Variants in CLXN observed in about 807,000 individuals in gnomAD.
CLXN encodes calaxin.
chr8:48,735,281 G>T, the CLXN span: 12 of 1,042,576 alleles, frequency 1.2e-5, no homozygotes, highest in African/African-American at 1.6e-5. Context: ...TCTCGTGCGC[G>T]GCCCTAACAG....
At chr8:48,735,083 T>C in the CLXN span, 1 of 1,614,092 alleles carries the variant, frequency 6.2e-7, no homozygotes, top group Non-Finnish European at 8.5e-7. Flanking sequence ...CAGCACTACA[T>C]TCTTACTTAC....
At chr8:48,724,489 G>T in the CLXN span, 1 of 321,364 alleles carries the variant, frequency 3.1e-6, no homozygotes, top group South Asian at 1.2e-4. Context: ...TGCTTCGACA[G>T]ATAGTCTATG....
chr8:48,734,207 C>A, the CLXN span, among the ~76,000 whole-genome samples: 2 of 152,070 alleles, frequency 1.3e-5, no homozygotes, highest in African/African-American at 4.8e-5. Context: ...TTGAGCGACT[C>A]GGTTATTTGG....
chr8:48,727,288 C>T, the CLXN span, among the ~76,000 whole-genome samples: 1 of 151,978 alleles, frequency 6.6e-6, no homozygotes. Context: ...CCATGTGCTA[C>T]ACACAGGGTA....
At chr8:48,729,374 T>A in the CLXN span, among the ~76,000 whole-genome samples, 1 of 151,300 alleles carries the variant, frequency 6.6e-6, no homozygotes. Flanking sequence ...AAAAAAAAAA[T>A]TAGCTGGGCA....
At chr8:48,714,554 G>A in the CLXN span, among the ~76,000 whole-genome samples, 1 of 152,194 alleles carries the variant, frequency 6.6e-6, no homozygotes, top group Non-Finnish European at 1.5e-5. Context: ...ATGGAGGTCA[G>A]TATATACTCA....
At chr8:48,727,164 T>TCCATCCAC in the CLXN span, among the ~76,000 whole-genome samples, 298 of 139,770 alleles carry the variant, frequency 2.1e-3, no homozygotes, top group African/African-American at 7.8e-3. Context: ...CATCCATCCA[T>TCCATCCAC]CCATCCACCC....
At chr8:48,734,205 C>G in the CLXN span, among the ~76,000 whole-genome samples, 1 of 152,088 alleles carries the variant, frequency 6.6e-6, no homozygotes, top group Non-Finnish European at 1.5e-5. Flanking sequence ...TTTTGAGCGA[C>G]TCGGTTATTT....
chr8:48,721,047 C>T, the CLXN span, among the ~76,000 whole-genome samples: 1 of 152,204 alleles, frequency 6.6e-6, no homozygotes, highest in African/African-American at 2.4e-5. Flanking sequence ...GAAAACCCTA[C>T]AAACACAACA....
chr8:48,717,142 G>T, the CLXN span, among the ~76,000 whole-genome samples: 6 of 152,106 alleles, frequency 3.9e-5, no homozygotes, highest in African/African-American at 1.4e-4. Flanking sequence ...TCCAGCTTGG[G>T]CAACAAGAGT....
chr8:48,713,604 T>A, the CLXN span: 57 of 152,248 alleles, frequency 3.7e-4, no homozygotes, highest in African/African-American at 1.2e-3. Context: ...TTACCATGAA[T>A]CCAAGCAGTG....
the CLXN span, chr8:48,724,145 C>T: frequency 1.3e-5 from 2 of 152,094 alleles, no homozygotes; most frequent in African/African-American, 4.8e-5. Context: ...AAACCCTTGC[C>T]TTCAGGTGCT....
the CLXN span, chr8:48,729,081 A>G: frequency 2.5e-6 from 4 of 1,613,620 alleles, no homozygotes; most frequent in Middle Eastern, 5.0e-4. Flanking sequence ...CCTCCAGTAG[A>G]AGAGTCTCTT....
the CLXN span, chr8:48,730,623 T>C: frequency 1.5e-5 from 24 of 1,610,878 alleles, no homozygotes; most frequent in Non-Finnish European, 2.0e-5. Context: ...GCCATCATTA[T>C]CTTTATCAAA....
chr8:48,722,193 T>C, the CLXN span, among the ~76,000 whole-genome samples: 6 of 152,268 alleles, frequency 3.9e-5, no homozygotes, highest in Non-Finnish European at 1.5e-5. Context: ...AACAGGTCTA[T>C]GAAAAAGTGA....
chr8:48,728,073 C>T, the CLXN span, among the ~76,000 whole-genome samples: 3 of 152,084 alleles, frequency 2.0e-5, no homozygotes, highest in East Asian at 5.8e-4. Context: ...GCAGGAGACA[C>T]ATGCTAGGGC....
At chr8:48,734,197 T>C in the CLXN span, among the ~76,000 whole-genome samples, 127 of 152,324 alleles carry the variant, frequency 8.3e-4, no homozygotes, top group East Asian at 0.021. Flanking sequence ...TCCTTCTTTT[T>C]TGAGCGACTC....
At chr8:48,734,043 T>C in the CLXN span, among the ~76,000 whole-genome samples, 6 of 152,184 alleles carry the variant, frequency 3.9e-5, no homozygotes, top group Non-Finnish European at 7.3e-5. Flanking sequence ...TCCTAAACAT[T>C]TTAAGATGCG....
At chr8:48,730,860 C>T in the CLXN span, among the ~76,000 whole-genome samples, 2 of 152,056 alleles carry the variant, frequency 1.3e-5, no homozygotes, top group African/African-American at 4.8e-5. Flanking sequence ...GGAACAAATA[C>T]AATTCTCAAT....
Sources: gnomAD v4.1 joint callset for allele counts (sites outside exome capture counted in the v4.1 genomes callset) on GRCh38, gnomAD v4.1.1 for gene constraint, MANE v1.5 for transcripts, NCBI Gene and HGNC (gene_info 2026-07-23, HGNC 2026-07-21) for gene names.